The following SACS variants were observed in gnomAD, a reference collection of about 807,000 sequenced individuals.
The protein encoded by SACS is sacsin.
SACS carries 197 observed loss-of-function variants against 348.0 expected under a neutral mutation model. The observed-to-expected ratio is 0.57, with a 90% CI of 0.50 to 0.64. The LOEUF (loss-of-function observed/expected upper bound fraction) is 0.64. SACS is among the 30% of genes least tolerant of loss of function. The pLI is 0.00. For missense variants in SACS, 4,999 were observed against 5,360.8 expected (o/e 0.93, Z 2.11); for synonymous variants, 1,985 against 1,910.6 (o/e 1.04, Z -1.02).
At position 23,334,704 on chromosome 13, in the gene SACS, G is replaced by A; in HGVS notation, c.9172C>T (p.Leu3058=). 1 of 1,613,710 alleles carries A rather than the reference G, an allele frequency of 6.2e-7. No individual in the cohort carries two copies. Among genetic ancestry groups the A allele is most frequent in the Non-Finnish European group, 8.5e-7 (1 of 1,179,750 alleles). The change falls in exon 10 of 10, where the codon CTG becomes TTG. Residue 3058 remains leucine (L), a synonymous_variant. Coordinates refer to ENST00000382292, the MANE Select transcript of SACS (RefSeq NM_014363.6). ...CCAATTTCTAAAAGGAGATGTTTCAGCCTATAGACATTCTCTGCTACTGTT... is the reference window on the plus strand; with the variant it reads ...CCAATTTCTAAAAGGAGATGTTTCAACCTATAGACATTCTCTGCTACTGTT... The part of the protein sequence containing the change: ...RKTVAENVYR[L]KHLLLEIGFN...
rs1874310601 is a variant in SACS at position 23,429,058 on chromosome 13, A to G, written c.-502+4557T>C. Among the ~76,000 whole-genome samples the G allele has an allele frequency of 2.0e-5, 3 of 152,264 alleles. No individual in the cohort carries two copies. The South Asian group carries it at 6.2e-4, about 32-fold the overall frequency. On this transcript the variant is annotated intron_variant, in intron 1 of 9. Coordinates refer to ENST00000382292, the MANE Select transcript of SACS (RefSeq NM_014363.6). ...AAGCTCAATTATTCTCAAAGATAAA[A>G]TTTTACATAAAAATAATATCACATA...
rs1883371631 is a variant in SACS, at chr13:23,330,121, T to C, written c.*15A>G. The C allele has an allele frequency of 6.2e-7, 1 of 1,608,960 alleles. No homozygotes were observed. The highest frequency in any genetic ancestry group is 1.3e-5 in the African/African-American group (1 of 74,820). ...CAACACATTCAAGATCTACCTTTTT[T>C]TTCGTTAAATATCTTCACACTTTTT... On this transcript the variant is annotated 3_prime_UTR_variant, in exon 10 of 10. Coordinates refer to ENST00000382292, the MANE Select transcript of SACS (RefSeq NM_014363.6).
intron 2 of SACS, among the ~76,000 whole-genome samples, chr13:23,402,179 A>G (rs548018027): frequency 3.3e-4 from 38 of 115,840 alleles, no homozygotes; most frequent in Admixed American, 9.1e-4. Context: ...CTCCATCTCG[A>G]AAAAAAAAAA....
chr13:23,333,900 T>C lies in SACS; in HGVS notation c.9976A>G (p.Lys3326Glu). 6.2e-7 allele frequency: 1 copy of C among 1,613,838 alleles called. No individual in the cohort carries two copies. Among genetic ancestry groups the C allele is most frequent in the Non-Finnish European group, 8.5e-7 (1 of 1,179,840 alleles). Reference sequence around the variant, plus strand: ...AAAGCAAGCTGAATACAGCCAGCTTTCATTAGAGCATGAAAAACTTTATCA... The same window carrying C: ...AAAGCAAGCTGAATACAGCCAGCTTCCATTAGAGCATGAAAAACTTTATCA... ...QSDKVFHALM[K>E]AGCIQLALNK... is the part of the protein sequence containing the mutation. The change falls in exon 10 of 10, where the codon AAA (lysine) becomes GAA (glutamate). Residue 3326 changes from lysine to glutamate, a missense_variant. Lys to Glu is a moderately conservative substitution (Grantham distance 56). Coordinates refer to ENST00000382292, the MANE Select transcript of SACS (RefSeq NM_014363.6).
chr13:23,335,128 T>C lies in SACS; in HGVS notation c.8748A>G (p.Ala2916=). ...ATTCAACATATGCAGGAGCTATTAA[T>C]GCTGTCATTAAACTGTTATTCCAGT... ...RSDWNNSLMT[A]LIAPAYVELL... The change falls in exon 10 of 10, where the codon GCA becomes GCG. Residue 2916 remains alanine, a synonymous_variant. Transcript: ENST00000382292. This position sits in a 1 kb window ranked among gnomAD's most constrained non-coding sequence, Gnocchi z 4.7. 6.2e-7 allele frequency: 1 copy of C among 1,613,974 alleles called. No homozygotes were observed. Among genetic ancestry groups the C allele is most frequent in the South Asian group, 1.1e-5 (1 of 91,072 alleles).
rs1343277379 is a variant in SACS, at chr13:23,395,045, T to C, written c.20+16175A>G. On this transcript the variant is annotated intron_variant, in intron 2 of 9. Coordinates refer to ENST00000382292, the MANE Select transcript of SACS (RefSeq NM_014363.6). ...AAAGACAGACTTTGATTCTTAAGATTGAGTATACTGTAGAAGCTGGTTTAG... is the reference window on the plus strand; with the variant it reads ...AAAGACAGACTTTGATTCTTAAGATCGAGTATACTGTAGAAGCTGGTTTAG... Among the ~76,000 whole-genome samples the C allele has an allele frequency of 2.0e-5, 3 of 152,180 alleles. No individual in the cohort carries two copies. The East Asian group carries it at 5.8e-4, about 29-fold the overall frequency.
At chr13:23,423,598 A>G (rs771689243) in intron 1 of SACS, among the ~76,000 whole-genome samples, 1 of 152,132 alleles carries the variant, frequency 6.6e-6, no homozygotes, top group Non-Finnish European at 1.5e-5. Flanking sequence ...TCCAGCCCTA[A>G]TAACTAGAAA....
At chr13:23,388,948 G>GA (rs1326860202) in intron 2 of SACS, among the ~76,000 whole-genome samples, 7 of 151,936 alleles carry the variant, frequency 4.6e-5, no homozygotes, top group Non-Finnish European at 1.0e-4. Context: ...GAAACCAAAA[G>GA]AAAGTATCAT....
intron 5 of SACS, among the ~76,000 whole-genome samples, chr13:23,368,080 T>C (rs111585529): frequency 2.0e-4 from 29 of 147,524 alleles, no homozygotes; most frequent in South Asian, 1.2e-3. Flanking sequence ...GGCTGGCTGG[T>C]TGGTTGGTTG....
chr13:23,340,648 T>A lies in SACS; in HGVS notation c.3228A>T (p.Ser1076=). The A allele has an allele frequency of 6.2e-7, 1 of 1,602,164 alleles. No individual in the cohort carries two copies. The highest frequency in any genetic ancestry group is 8.5e-7 in the Non-Finnish European group (1 of 1,176,488). Residue 1076 remains serine, a synonymous_variant, in exon 10 of 10, where the codon TCA becomes TCT. Coordinates refer to ENST00000382292, the MANE Select transcript of SACS (RefSeq NM_014363.6). ...CNEEGTYFPP[S]VFTSPDILHS... is the part of the protein sequence containing the mutation. ...GAAGAATATCTGGTGAGGTAAAAAC[T>A]GAGGGTGGGAAATAGGTTCCTTCTT...
intron 2 of SACS, among the ~76,000 whole-genome samples, chr13:23,408,542 A>G (rs781780549): frequency 1.3e-5 from 2 of 152,188 alleles, no homozygotes; most frequent in African/African-American, 4.8e-5. Flanking sequence ...TTTTCCCACA[A>G]TATTTCCATA....
chr13:23,369,543 C>G lies in SACS; in HGVS notation c.260-1056G>C, dbSNP rs1325111158. Among the ~76,000 whole-genome samples, 4 of 152,068 alleles carry G rather than the reference C, an allele frequency of 2.6e-5. No homozygotes were observed. In the South Asian group the frequency reaches 8.3e-4, roughly 32 times the overall value. On this transcript the variant is annotated intron_variant, in intron 4 of 9. Coordinates refer to ENST00000382292, the MANE Select transcript of SACS (RefSeq NM_014363.6). ...CTGTTTCCACAGACTTCTATCCCACCCATTCTTTTTTTTTTTTTTCAGACG... is the reference window on the plus strand; with the variant it reads ...CTGTTTCCACAGACTTCTATCCCACGCATTCTTTTTTTTTTTTTTCAGACG...
At chr13:23,391,743 G>A (rs568287811) in intron 2 of SACS, among the ~76,000 whole-genome samples, 87 of 152,228 alleles carry the variant, frequency 5.7e-4, no homozygotes, top group African/African-American at 2.0e-3. Flanking sequence ...GTGCCTGACC[G>A]GTAGAATACT....
At chr13:23,412,896 A>G (rs564907053) in intron 1 of SACS, among the ~76,000 whole-genome samples, 1 of 152,344 alleles carries the variant, frequency 6.6e-6, no homozygotes, top group Non-Finnish European at 1.5e-5. Context: ...AAAAATGACA[A>G]ACTTTCTTTT....
At chr13:23,421,706 C>G (rs1174505710) in intron 1 of SACS, among the ~76,000 whole-genome samples, 1 of 151,670 alleles carries the variant, frequency 6.6e-6, no homozygotes, top group Non-Finnish European at 1.5e-5. Flanking sequence ...CACATGGGAA[C>G]TGGGCATCCA....
At chr13:23,395,627 G>A (rs1872685223) in intron 2 of SACS, among the ~76,000 whole-genome samples, 1 of 152,062 alleles carries the variant, frequency 6.6e-6, no homozygotes, top group Admixed American at 6.6e-5. Flanking sequence ...ACCCACATCA[G>A]GAGCTCTCAA....
In SACS at chr13:23,355,656, T is replaced by A. The variant is rs368111292; in HGVS notation, c.956A>T (p.Tyr319Phe). 5 of 1,614,008 alleles carry A rather than the reference T, an allele frequency of 3.1e-6. No individual in the cohort carries two copies. The African/African-American group carries it at 6.7e-5, about 22-fold the overall frequency. ...CTCTGTTCCGTCAGCCTCTCGGACATATAAGGAAACATCCTGCACACTTTT... is the reference window on the plus strand; with the variant it reads ...CTCTGTTCCGTCAGCCTCTCGGACAAATAAGGAAACATCCTGCACACTTTT... ...FLKSVQDVSL[Y>F]VREADGTEKL... The change falls in exon 8 of 10, where the codon TAT becomes TTT. Residue 319 changes from tyrosine to phenylalanine, a missense_variant. This residue lies in a region of SACS where 3,156 missense variants were observed against 3,380.1 expected (regional missense o/e 0.93). Coordinates refer to ENST00000382292, the MANE Select transcript of SACS (RefSeq NM_014363.6).
rs77645021 is a variant in SACS, at chr13:23,329,359, A to G, written c.*777T>C. ...GGAAAATATGTACACACAAACATAA[A>G]GCAAGTGTTCTAACAGTTAATAAAT... is the stretch of plus-strand genomic sequence containing the variant. On this transcript the variant is annotated 3_prime_UTR_variant, in exon 10 of 10. Coordinates refer to ENST00000382292, the MANE Select transcript of SACS (RefSeq NM_014363.6). 5.9e-4 allele frequency: 412 copies of G among 703,184 alleles called. 4 individuals carry two copies. The African/African-American group carries it at 6.8e-3, about 12-fold the overall frequency. The allele number at this position is 703,184 out of a possible 1,614,324, so 43.6% of individuals were successfully genotyped here.
chr13:23,352,255 C>T (rs2709238), intron 9 of SACS, among the ~76,000 whole-genome samples: 87,604 of 152,110 alleles, frequency 0.58, 25,405 homozygotes, highest in East Asian at 0.68. Flanking sequence ...AGTAAAATAC[C>T]GTAACAATCA....
Sources: allele counts gnomAD v4.1 joint callset (sites outside exome capture counted in the v4.1 genomes callset), GRCh38; gene constraint gnomAD v4.1.1; regional missense constraint gnomAD v4.1.1; non-coding constraint Gnocchi (gnomAD v3.1); transcripts MANE v1.5; gene names NCBI Gene and HGNC (gene_info 2026-07-23, HGNC 2026-07-21).